SPOCK1: variants seen among roughly 807,000 people sequenced by gnomAD.
SPOCK1 encodes SPARC (osteonectin), cwcv and kazal like domains proteoglycan 1, also known as testican-1.
Under a neutral mutation model 55.3 loss-of-function variants are expected in SPOCK1, and 23 were observed. The observed-to-expected ratio is 0.42, with a 90% CI of 0.30 to 0.59. The LOEUF (loss-of-function observed/expected upper bound fraction) is 0.59. SPOCK1 is among the 20% of genes least tolerant of loss of function. The probability of loss-of-function intolerance (pLI) is 0.22; values close to 1 mark genes in which losing one functional copy is unlikely to be tolerated. For synonymous variants in SPOCK1, 226 were observed against 221.0 expected (o/e 1.02, Z -0.20); for missense variants, 499 against 552.5 (o/e 0.90, Z 0.97).
At chr5:136,980,270 T>C (rs927528556) in intron 9 of SPOCK1, among the ~76,000 whole-genome samples, 1 of 152,196 alleles carries the variant, frequency 6.6e-6, no homozygotes, top group African/African-American at 2.4e-5. Flanking sequence ...TTTTTCACTT[T>C]AAATCTTGAA....
intron 2 of SPOCK1, among the ~76,000 whole-genome samples, chr5:137,335,367 C>T (rs1750235433): frequency 1.3e-5 from 2 of 152,254 alleles, no homozygotes; most frequent in South Asian, 4.1e-4. Context: ...AGGCAATATG[C>T]CAAAATGTTT....
intron 3 of SPOCK1, among the ~76,000 whole-genome samples, chr5:137,237,403 G>A: frequency 6.6e-6 from 1 of 152,108 alleles, no homozygotes. Context: ...GGCCATATAT[G>A]GAAAATGTAC....
At chr5:137,267,842 T>C (rs1756888549) in intron 2 of SPOCK1, among the ~76,000 whole-genome samples, 1 of 152,230 alleles carries the variant, frequency 6.6e-6, no homozygotes, top group Admixed American at 6.5e-5. Flanking sequence ...CATTGTTTCC[T>C]GGCACACCCA....
chr5:137,221,647 G>C (rs140746463), intron 3 of SPOCK1, among the ~76,000 whole-genome samples: 60 of 152,122 alleles, frequency 3.9e-4, no homozygotes, highest in Admixed American at 8.5e-4. Context: ...CAGCCATGAG[G>C]GTCCAAATAT....
chr5:137,428,167 C>T (rs1456449667), intron 2 of SPOCK1, among the ~76,000 whole-genome samples: 1 of 152,060 alleles, frequency 6.6e-6, no homozygotes, highest in African/African-American at 2.4e-5. Flanking sequence ...CCTGGCTGGA[C>T]TCAGGTTAAA....
chr5:137,330,465 G>C (rs1178501945), intron 2 of SPOCK1, among the ~76,000 whole-genome samples: 1 of 152,204 alleles, frequency 6.6e-6, no homozygotes, highest in Non-Finnish European at 1.5e-5. Flanking sequence ...ACACGAACCT[G>C]CTCCAAACCT....
At chr5:137,401,841 T>C (rs4246787) in intron 2 of SPOCK1, among the ~76,000 whole-genome samples, 151,814 of 152,174 alleles carry the variant, frequency 1, 75,729 homozygotes, top group East Asian at 1. Flanking sequence ...GATACACATA[T>C]GCGTGATGTG....
At chr5:137,157,533 G>A (rs1007700529) in intron 3 of SPOCK1, among the ~76,000 whole-genome samples, 1 of 152,102 alleles carries the variant, frequency 6.6e-6, no homozygotes, top group Non-Finnish European at 1.5e-5. Flanking sequence ...AGCAAGAAAG[G>A]GACCTCTTCC....
intron 4 of SPOCK1, among the ~76,000 whole-genome samples, chr5:137,119,280 T>C (rs1203340263): frequency 6.6e-6 from 1 of 152,256 alleles, no homozygotes; most frequent in Non-Finnish European, 1.5e-5. Context: ...AAATCAAAAC[T>C]AATTGCTTCT....
At chr5:137,186,765 G>C (rs1755077045) in intron 3 of SPOCK1, among the ~76,000 whole-genome samples, 1 of 152,146 alleles carries the variant, frequency 6.6e-6, no homozygotes, top group Non-Finnish European at 1.5e-5. Flanking sequence ...GCTAGGTGCT[G>C]GTCTCCATCC....
chr5:137,142,422 C>G (rs1754117702), intron 3 of SPOCK1, among the ~76,000 whole-genome samples: 1 of 152,184 alleles, frequency 6.6e-6, no homozygotes. Context: ...GCTACTTGAA[C>G]AGCTTAACTG....
chr5:137,283,589 C>T lies in SPOCK1; in HGVS notation c.187-16534G>A, dbSNP rs2043479. Reference sequence around the variant, plus strand: ...AATTAGCCAGGTGTGGTGATGTGCACCTGCAGTCCCAGCTACCTGGGAGGA... The same window carrying T: ...AATTAGCCAGGTGTGGTGATGTGCATCTGCAGTCCCAGCTACCTGGGAGGA... On this transcript the variant is annotated intron_variant, in intron 2 of 10. Coordinates refer to ENST00000394945, the MANE Select transcript of SPOCK1 (RefSeq NM_004598.4). Among the ~76,000 whole-genome samples the T allele has an allele frequency of 4.2e-3, 640 of 152,208 alleles. 3 individuals are homozygous for T. The highest frequency in any genetic ancestry group is 0.015 in the African/African-American group (618 of 41,528).
At chr5:137,218,531 T>A (rs1367657359) in intron 3 of SPOCK1, among the ~76,000 whole-genome samples, 1 of 152,224 alleles carries the variant, frequency 6.6e-6, no homozygotes, top group Non-Finnish European at 1.5e-5. Context: ...ATATTTGAAG[T>A]TGGAATCCCA....
intron 2 of SPOCK1, among the ~76,000 whole-genome samples, chr5:137,471,063 G>A (rs1396379368): frequency 1.3e-5 from 2 of 152,108 alleles, no homozygotes; most frequent in Non-Finnish European, 2.9e-5. Context: ...AGCCCAGCAC[G>A]TGGCATGCAG....
At chr5:137,246,865 C>T (rs1025017376) in intron 3 of SPOCK1, among the ~76,000 whole-genome samples, 1 of 152,186 alleles carries the variant, frequency 6.6e-6, no homozygotes, top group East Asian at 1.9e-4. Flanking sequence ...GAGTCACATG[C>T]CTGGAGCTTC....
chr5:137,270,649 T>TA (rs1253373498), intron 2 of SPOCK1, among the ~76,000 whole-genome samples: 1 of 152,184 alleles, frequency 6.6e-6, no homozygotes, highest in African/African-American at 2.4e-5. Flanking sequence ...GGCCCAAACT[T>TA]AAGCATACTG....
intron 2 of SPOCK1, among the ~76,000 whole-genome samples, chr5:137,418,008 T>C (rs903246538): frequency 4.6e-5 from 7 of 152,110 alleles, no homozygotes; most frequent in African/African-American, 1.2e-4. Flanking sequence ...CCTGTGTCCA[T>C]GTGTTCTCAT....
intron 6 of SPOCK1, among the ~76,000 whole-genome samples, chr5:137,010,089 A>G (rs1031137363): frequency 6.6e-6 from 1 of 152,022 alleles, no homozygotes; most frequent in Admixed American, 6.6e-5. Flanking sequence ...GGCCCTATTC[A>G]TGCAGTTCTA....
intron 6 of SPOCK1, among the ~76,000 whole-genome samples, chr5:137,061,976 C>T (rs1461551878): frequency 6.6e-6 from 1 of 152,178 alleles, no homozygotes; most frequent in Non-Finnish European, 1.5e-5. Context: ...AACAAACTCA[C>T]TAGACCCAGG....
Sources: gnomAD v4.1 joint callset for allele counts (sites outside exome capture counted in the v4.1 genomes callset) on GRCh38, gnomAD v4.1.1 for gene constraint, MANE v1.5 for transcripts, NCBI Gene and HGNC (gene_info 2026-07-23, HGNC 2026-07-21) for gene names.